Variants in ATRNL1 observed in about 807,000 individuals in gnomAD.
ATRNL1 encodes the protein attractin-like protein 1.
In ATRNL1, 95 loss-of-function variants were observed where a neutral mutation model predicts 182.7. The observed-to-expected ratio is 0.52, with a 90% CI of 0.44 to 0.62. The LOEUF (loss-of-function observed/expected upper bound fraction) is 0.62. ATRNL1 is among the 20% of genes least tolerant of loss of function. The probability of loss-of-function intolerance (pLI) is 0.00; values close to 1 mark genes in which losing one functional copy is unlikely to be tolerated. For missense variants in ATRNL1, 1,471 were observed against 1,679.5 expected (o/e 0.88, Z 2.17); for synonymous variants, 576 against 568.3 (o/e 1.01, Z -0.19).
intron 27 of ATRNL1, among the ~76,000 whole-genome samples, chr10:115,811,561 C>T (rs1217197418): frequency 6.6e-6 from 1 of 151,982 alleles, no homozygotes; most frequent in African/African-American, 2.4e-5. Context: ...TGTTAAAAAT[C>T]TCCAACTATA....
chr10:115,101,468 A>G lies in ATRNL1; in HGVS notation c.293+7425A>G, dbSNP rs376759659. On this transcript the variant is annotated intron_variant, in intron 1 of 28. Coordinates refer to ENST00000355044, the MANE Select transcript of ATRNL1 (RefSeq NM_207303.4). Reference sequence around the variant, plus strand: ...TTTCTGTGCCCATTGAGATAATCATATGATTTTTTCAAGTTTGTTAACATG... The same window carrying G: ...TTTCTGTGCCCATTGAGATAATCATGTGATTTTTTCAAGTTTGTTAACATG... Among the ~76,000 whole-genome samples, 239 of 152,200 alleles carry G rather than the reference A, an allele frequency of 1.6e-3. 1 individual carries two copies. Among genetic ancestry groups the G allele is most frequent in the African/African-American group, 5.5e-3 (228 of 41,516 alleles).
At chr10:115,748,349 CTTT>C (rs58203488) in intron 27 of ATRNL1, among the ~76,000 whole-genome samples, 6 of 130,150 alleles carry the variant, frequency 4.6e-5, no homozygotes, top group Non-Finnish European at 8.3e-5. Flanking sequence ...TCAGCTGCAT[CTTT>C]TTTTTTTTTT....
chr10:115,113,244 CT>C (rs1844335043), intron 1 of ATRNL1, among the ~76,000 whole-genome samples: 1 of 152,150 alleles, frequency 6.6e-6, no homozygotes, highest in Admixed American at 6.6e-5. Context: ...TTAGCCAAAA[CT>C]TTAGCAGAAA....
intron 27 of ATRNL1, among the ~76,000 whole-genome samples, chr10:115,811,097 T>G (rs1442830830): frequency 2.0e-5 from 3 of 151,946 alleles, no homozygotes; most frequent in Admixed American, 2.0e-4. Context: ...ATTTTTTCTT[T>G]CTTAGTATAA....
chr10:115,122,170 TG>T (rs201270107), intron 3 of ATRNL1, among the ~76,000 whole-genome samples: 250 of 151,942 alleles, frequency 1.6e-3, no homozygotes, highest in African/African-American at 5.4e-3. Flanking sequence ...TTTTAATAGT[TG>T]TTTTTTTATT....
At chr10:115,841,165 G>A (rs150624169) in intron 27 of ATRNL1, among the ~76,000 whole-genome samples, 99 of 152,082 alleles carry the variant, frequency 6.5e-4, no homozygotes, top group African/African-American at 2.3e-3. Context: ...ACCAACTCAG[G>A]GCAAAGCATG....
chr10:115,770,345 G>A (rs1316819025), intron 27 of ATRNL1, among the ~76,000 whole-genome samples: 1 of 152,032 alleles, frequency 6.6e-6, no homozygotes, highest in Non-Finnish European at 1.5e-5. Context: ...GAGATAACTT[G>A]AGTACAGCAA....
intron 27 of ATRNL1, among the ~76,000 whole-genome samples, chr10:115,811,619 C>T (rs555405304): frequency 1.3e-5 from 2 of 152,072 alleles, no homozygotes; most frequent in Admixed American, 6.5e-5. Flanking sequence ...GTTTTTGCTT[C>T]ATGTATTTTG....
At chr10:115,791,263 C>G (rs907520841) in intron 27 of ATRNL1, among the ~76,000 whole-genome samples, 1 of 152,152 alleles carries the variant, frequency 6.6e-6, no homozygotes, top group Non-Finnish European at 1.5e-5. Flanking sequence ...TAACCACCAA[C>G]ATTTCCTGCC....
intron 26 of ATRNL1, among the ~76,000 whole-genome samples, chr10:115,606,510 T>G (rs1555017655): frequency 6.6e-6 from 1 of 152,084 alleles, no homozygotes; most frequent in Non-Finnish European, 1.5e-5. Context: ...GTTTTTGCAG[T>G]GCTTTTTGGG....
chr10:115,427,629 CT>C (rs1176263870), intron 21 of ATRNL1, among the ~76,000 whole-genome samples: 1 of 151,984 alleles, frequency 6.6e-6, no homozygotes, highest in Non-Finnish European at 1.5e-5. Context: ...GATTGAAGTT[CT>C]TTTTTTCTCC....
chr10:115,382,353 C>A (rs1239011254), intron 19 of ATRNL1, among the ~76,000 whole-genome samples: 3 of 151,990 alleles, frequency 2.0e-5, no homozygotes, highest in Non-Finnish European at 4.4e-5. Flanking sequence ...TTTATACCAT[C>A]TTTAATTTTT....
At chr10:115,284,278 T>C (rs2133933311) in intron 14 of ATRNL1, among the ~76,000 whole-genome samples, 1 of 152,310 alleles carries the variant, frequency 6.6e-6, no homozygotes, top group South Asian at 2.1e-4. Context: ...TTGTATGATT[T>C]GTCAATGAAC....
chr10:115,119,008 T>A (rs1844609842), intron 1 of ATRNL1, among the ~76,000 whole-genome samples: 1 of 152,124 alleles, frequency 6.6e-6, no homozygotes, highest in South Asian at 2.1e-4. Context: ...TTATTTACTA[T>A]CTTATAGGTT....
intron 20 of ATRNL1, among the ~76,000 whole-genome samples, chr10:115,406,357 T>A (rs1823115851): frequency 6.6e-6 from 1 of 152,206 alleles, no homozygotes; most frequent in African/African-American, 2.4e-5. Context: ...TTATCAGTAT[T>A]CTTATATGTT....
intron 28 of ATRNL1, among the ~76,000 whole-genome samples, chr10:115,908,097 C>T (rs533809016): frequency 6.6e-6 from 1 of 152,254 alleles, no homozygotes; most frequent in African/African-American, 2.4e-5. Context: ...CAGCAGAGAA[C>T]AGAAAATGTA....
chr10:115,226,938 A>T (rs1254679319), intron 9 of ATRNL1, among the ~76,000 whole-genome samples: 1 of 152,192 alleles, frequency 6.6e-6, no homozygotes, highest in African/African-American at 2.4e-5. Flanking sequence ...AAAATGGATC[A>T]AAGATTGAAA....
intron 27 of ATRNL1, among the ~76,000 whole-genome samples, chr10:115,829,108 A>T (rs1486321521): frequency 6.6e-6 from 1 of 152,064 alleles, no homozygotes; most frequent in African/African-American, 2.4e-5. Context: ...ACCAAAAGCC[A>T]TAAGTGAAGA....
intron 27 of ATRNL1, among the ~76,000 whole-genome samples, chr10:115,825,646 A>G (rs17093640): frequency 0.045 from 6,905 of 152,000 alleles, 542 homozygotes; most frequent in African/African-American, 0.15. Context: ...GTATCTCTCA[A>G]CTTTTCCTGT....
Sources: gnomAD v4.1 joint callset for allele counts (sites outside exome capture counted in the v4.1 genomes callset) on GRCh38, gnomAD v4.1.1 for gene constraint, MANE v1.5 for transcripts, NCBI Gene and HGNC (gene_info 2026-07-23, HGNC 2026-07-21) for gene names.